The following GABRB3 variants were observed in gnomAD, a reference collection of about 807,000 sequenced individuals.
GABRB3 encodes gamma-aminobutyric acid receptor subunit beta-3.
A neutral mutation model predicts 52.1 loss-of-function variants in GABRB3; 14 were observed. The ratio of observed to expected loss-of-function variants is 0.27; its 90% CI spans 0.18 to 0.42. The LOEUF is 0.42. GABRB3 is among the 10% of genes least tolerant of loss of function. GABRB3 has a pLI of 1.00. For missense variants in GABRB3, 307 were observed against 609.1 expected (o/e 0.50, Z 5.22); for synonymous variants, 260 against 232.3 (o/e 1.12, Z -1.08).
chr15:26,769,166 T>G (rs1891076360), intron 3 of GABRB3, among the ~76,000 whole-genome samples: 1 of 152,250 alleles, frequency 6.6e-6, no homozygotes, highest in Admixed American at 6.5e-5. Flanking sequence ...AAAAAAACTC[T>G]TGAACAAATG....
chr15:26,752,551 C>T (rs1056493615), intron 3 of GABRB3, among the ~76,000 whole-genome samples: 2 of 152,114 alleles, frequency 1.3e-5, no homozygotes, highest in East Asian at 1.9e-4. Flanking sequence ...GCATGAGCCA[C>T]CGCGCCCGGC....
chr15:26,713,568 T>C lies in GABRB3; in HGVS notation c.240+58834A>G, dbSNP rs1889371265. The stretch of plus-strand genomic sequence containing the variant: ...CTGTAGGGTAGAGGCTGGAAAAACA[T>C]CAGAGATATGCATCAAAAAGATTCT... On this transcript the variant is annotated intron_variant, in intron 3 of 8. Coordinates refer to ENST00000311550, the MANE Select transcript of GABRB3 (RefSeq NM_000814.6). Among the ~76,000 whole-genome samples, 4 of 152,000 alleles carry C rather than the reference T, an allele frequency of 2.6e-5. No homozygotes were observed. In the South Asian group the frequency reaches 8.3e-4, roughly 32 times the overall value.
chr15:26,697,627 A>G (rs2140674709), intron 3 of GABRB3, among the ~76,000 whole-genome samples: 1 of 152,230 alleles, frequency 6.6e-6, no homozygotes, highest in South Asian at 2.1e-4. Context: ...CTGCTTTTCA[A>G]TTCTCATCCC....
At chr15:26,738,379 G>C (rs536005375) in intron 3 of GABRB3, among the ~76,000 whole-genome samples, 1 of 152,244 alleles carries the variant, frequency 6.6e-6, no homozygotes, top group South Asian at 2.1e-4. Flanking sequence ...CACAGCACCC[G>C]TCCAGTCTTG....
At chr15:26,711,889 C>T (rs1303541317) in intron 3 of GABRB3, among the ~76,000 whole-genome samples, 4 of 152,172 alleles carry the variant, frequency 2.6e-5, no homozygotes, top group African/African-American at 9.7e-5. Flanking sequence ...AGAGGGACTG[C>T]ATGGAGAGGA....
intron 3 of GABRB3, among the ~76,000 whole-genome samples, chr15:26,637,741 T>C (rs560108504): frequency 2.0e-5 from 3 of 152,350 alleles, no homozygotes; most frequent in African/African-American, 7.2e-5. Context: ...AGACATTGTC[T>C]TGGCCACCTG....
At chr15:26,611,734 A>C (rs1470450307) in intron 4 of GABRB3, 1 of 152,216 alleles carries the variant, frequency 6.6e-6, no homozygotes, top group Non-Finnish European at 1.5e-5. Flanking sequence ...AAGTTGAAAA[A>C]GTTTAGATAA....
intron 8 of GABRB3, among the ~76,000 whole-genome samples, chr15:26,554,319 G>A (rs1039764842): frequency 1.5e-4 from 22 of 148,760 alleles, no homozygotes; most frequent in Non-Finnish European, 2.2e-4. Flanking sequence ...TTGAGCCACC[G>A]CACCTGGCCT....
At chr15:26,600,810 A>G (rs1031883373) in intron 4 of GABRB3, among the ~76,000 whole-genome samples, 1 of 152,268 alleles carries the variant, frequency 6.6e-6, no homozygotes, top group African/African-American at 2.4e-5. Flanking sequence ...TGATATAAGT[A>G]AAACAGTATC....
intron 3 of GABRB3, among the ~76,000 whole-genome samples, chr15:26,696,709 T>G (rs1200074598): frequency 6.6e-6 from 1 of 152,186 alleles, no homozygotes; most frequent in Admixed American, 6.5e-5. Flanking sequence ...CACTGCCTTT[T>G]GCCACGTCGA....
intron 3 of GABRB3, among the ~76,000 whole-genome samples, chr15:26,752,027 A>C (rs919197848): frequency 6.6e-6 from 1 of 152,124 alleles, no homozygotes; most frequent in African/African-American, 2.4e-5. Flanking sequence ...AGCATGCTTT[A>C]AAACATTTTT....
intron 3 of GABRB3, among the ~76,000 whole-genome samples, chr15:26,674,357 C>A (rs112378345): frequency 1.4e-3 from 182 of 128,540 alleles, no homozygotes; most frequent in African/African-American, 5.1e-3. Context: ...GCCGAGATCA[C>A]GCCACTGCAC....
intron 3 of GABRB3, among the ~76,000 whole-genome samples, chr15:26,658,041 T>C (rs531341213): frequency 1.3e-5 from 2 of 152,324 alleles, no homozygotes; most frequent in Non-Finnish European, 2.9e-5. Context: ...CTCCTACGGA[T>C]AACTAGTACC....
At position 26,547,743 on chromosome 15, in the gene GABRB3, A is replaced by G. The variant is rs1245566888; in HGVS notation, c.*50T>C. 29 of 1,466,620 alleles carry G rather than the reference A, an allele frequency of 2.0e-5. No homozygotes were observed. The highest frequency in any genetic ancestry group is 2.7e-5 in the Non-Finnish European group (28 of 1,047,360). The allele number at this position is 1,466,620 out of a possible 1,614,324, so 90.9% of individuals were successfully genotyped here. On this transcript the variant is annotated 3_prime_UTR_variant, in exon 9 of 9. Coordinates refer to ENST00000311550, the MANE Select transcript of GABRB3 (RefSeq NM_000814.6). ...GTATAAAAACTTGACAGGCAGAGTA[A>G]TATTTCACTCAGTGTTAAATGAAGT... is the stretch of plus-strand genomic sequence containing the variant.
intron 8 of GABRB3, among the ~76,000 whole-genome samples, chr15:26,554,673 G>C (rs1021594165): frequency 2.0e-5 from 3 of 152,168 alleles, no homozygotes; most frequent in Non-Finnish European, 4.4e-5. Flanking sequence ...CGTGTACCAC[G>C]TCCGCGTCAT....
chr15:26,626,612 A>G (rs1054154041), intron 3 of GABRB3, among the ~76,000 whole-genome samples: 1 of 152,240 alleles, frequency 6.6e-6, no homozygotes, highest in Non-Finnish European at 1.5e-5. Flanking sequence ...TACTGCTGAT[A>G]TTGATAGAAT....
intron 3 of GABRB3, among the ~76,000 whole-genome samples, chr15:26,761,268 G>A (rs892417499): frequency 7.9e-5 from 12 of 152,056 alleles, no homozygotes; most frequent in Non-Finnish European, 1.3e-4. Context: ...GGTGACATGC[G>A]CCTGTAGACC....
chr15:26,753,958 T>C (rs1169254978), intron 3 of GABRB3, among the ~76,000 whole-genome samples: 1 of 152,238 alleles, frequency 6.6e-6, no homozygotes, highest in Admixed American at 6.5e-5. Flanking sequence ...GAGAATGTTC[T>C]GGGTGGTGAA....
chr15:26,629,157 T>C lies in GABRB3; in HGVS notation c.241-7623A>G, dbSNP rs1334527513. On this transcript the variant is annotated intron_variant, in intron 3 of 8. Coordinates refer to ENST00000311550, the MANE Select transcript of GABRB3 (RefSeq NM_000814.6). ...AGCTCGGGGAGGCGCAGGGGCGGAG[T>C]GTGGGGAGAAGCAGCTCCCGGGAGA... 31 of 1,502,930 alleles carry C rather than the reference T, an allele frequency of 2.1e-5. 1 individual carries two copies. The highest frequency in any genetic ancestry group is 4.9e-5 in the South Asian group (4 of 81,010). 93.1% of individuals were successfully genotyped at this position (1,502,930 alleles called of 1,614,324 possible). A position where few individuals can be genotyped will look rare whatever the true frequency, so the allele number is the denominator to read the frequency against.
Sources: allele counts gnomAD v4.1 joint callset (sites outside exome capture counted in the v4.1 genomes callset), GRCh38; gene constraint gnomAD v4.1.1; transcripts MANE v1.5; gene names NCBI Gene and HGNC (gene_info 2026-07-23, HGNC 2026-07-21).